Variants in PRTG observed in about 807,000 individuals in gnomAD.
The protein encoded by PRTG is immunoglobulin superfamily, DCC subclass, member 5.
In PRTG, 67 loss-of-function variants were observed where a neutral mutation model predicts 122.5. The observed-to-expected ratio is 0.55, with a 90% CI of 0.45 to 0.67. PRTG has a LOEUF of 0.67. Among genes scored for constraint, PRTG ranks in the 30% least tolerant of loss-of-function variants. PRTG has a pLI of 0.00. For missense variants in PRTG, 1,435 were observed against 1,415.4 expected (o/e 1.01, Z -0.22); for synonymous variants, 554 against 501.1 (o/e 1.11, Z -1.41).
chr15:55,640,990 C>A, intron 12 of PRTG, 123 bp downstream of exon 12: 1 of 704,300 alleles, frequency 1.4e-6, no homozygotes, highest in Non-Finnish European at 2.5e-6. Context: ...CGCTATACAG[C>A]ACAGAGGATA....
chr15:55,680,707 T>C, intron 4 of PRTG, 79 bp from the exon 5 acceptor site: 1 of 947,454 alleles, frequency 1.1e-6, no homozygotes, highest in Non-Finnish European at 1.4e-6. Context: ...ACATTTATTC[T>C]TATCACTCAC....
At chr15:55,626,507 G>C (rs1360650625) in intron 17 of PRTG, among the ~76,000 whole-genome samples, 1 of 151,952 alleles carries the variant, frequency 6.6e-6, no homozygotes, top group East Asian at 1.9e-4. Context: ...ACTTTGGGAG[G>C]ATGAGGCGGG....
chr15:55,742,683 C>T (rs1286970372), intron 1 of PRTG, 155 bp downstream of exon 1: 2 of 892,732 alleles, frequency 2.2e-6, no homozygotes, highest in Admixed American at 5.0e-5. Context: ...CGGTTCCGGA[C>T]AGGCCGCAGG....
At chr15:55,734,236 A>G (rs1221965546) in intron 2 of PRTG, among the ~76,000 whole-genome samples, 4 of 152,218 alleles carry the variant, frequency 2.6e-5, no homozygotes, top group African/African-American at 9.6e-5. Context: ...GGTAAATATT[A>G]GTAGAATGGA....
intron 4 of PRTG, among the ~76,000 whole-genome samples, chr15:55,681,123 C>T (rs530463073): frequency 6.6e-6 from 1 of 152,202 alleles, no homozygotes; most frequent in South Asian, 2.1e-4. Context: ...ATAGATAGAA[C>T]ACATTTTATT....
At chr15:55,689,047 T>C (rs2059586018) in intron 2 of PRTG, among the ~76,000 whole-genome samples, 2 of 152,190 alleles carry the variant, frequency 1.3e-5, no homozygotes. Context: ...CATTCCCTTC[T>C]GTTCCAGTCC....
chr15:55,685,872 CAATT>C (rs2059567752), intron 2 of PRTG, among the ~76,000 whole-genome samples: 1 of 152,118 alleles, frequency 6.6e-6, no homozygotes. Context: ...TGTTGCTGAT[CAATT>C]AATTAGTCCC....
chr15:55,639,704 G>A lies in PRTG; in HGVS notation c.2262C>T (p.Asn754=), dbSNP rs746936883. ...RPAFTAAQII[N]YTIRCNPVGL... ...CAACAGGATTACAGCGGATGGTGTA[G>A]TTAATGATTTGTGCAGCGGTGAATG... The change falls in exon 13 of 20, where the codon AAC becomes AAT. Residue 754 remains asparagine, a synonymous_variant. Coordinates refer to ENST00000389286, the MANE Select transcript of PRTG (RefSeq NM_173814.6). 1 of 1,614,160 alleles carries A rather than the reference G, an allele frequency of 6.2e-7. No individual in the cohort carries two copies. Among genetic ancestry groups the A allele is most frequent in the East Asian group, 2.2e-5 (1 of 44,880 alleles).
intron 2 of PRTG, among the ~76,000 whole-genome samples, chr15:55,734,760 C>T (rs568309487): frequency 6.6e-6 from 1 of 151,882 alleles, no homozygotes; most frequent in East Asian, 1.9e-4. Flanking sequence ...AAAAAAAACA[C>T]ACAAGGAATG....
At position 55,612,746 on chromosome 15, in the gene PRTG, A is replaced by G. The variant is rs944398492; in HGVS notation, c.*7266T>C. 1 of 120,772 alleles carries G rather than the reference A, an allele frequency of 8.3e-6. No homozygotes were observed. The highest frequency in any genetic ancestry group is 3.4e-5 in the African/African-American group (1 of 29,828). 7.5% of individuals were successfully genotyped at this position (120,772 alleles called of 1,614,324 possible). ...TATATATATATATATATATATATAT[A>G]TATGACTTAAATTGGAGTAAGATGA... On this transcript the variant is annotated 3_prime_UTR_variant, in exon 20 of 20. Coordinates refer to ENST00000389286, the MANE Select transcript of PRTG (RefSeq NM_173814.6).
At chr15:55,721,160 T>C (rs1443805636) in intron 2 of PRTG, among the ~76,000 whole-genome samples, 8 of 152,168 alleles carry the variant, frequency 5.3e-5, no homozygotes. Flanking sequence ...GTACTGCCAT[T>C]GTAAAATCGT....
At chr15:55,728,608 G>A (rs1328105416) in intron 2 of PRTG, among the ~76,000 whole-genome samples, 1 of 152,120 alleles carries the variant, frequency 6.6e-6, no homozygotes, top group Non-Finnish European at 1.5e-5. Context: ...TTCTCAACAT[G>A]ATAAAGGGCA....
At chr15:55,644,213 T>C (rs547262743) in intron 11 of PRTG, among the ~76,000 whole-genome samples, 1 of 152,280 alleles carries the variant, frequency 6.6e-6, no homozygotes, top group East Asian at 1.9e-4. Flanking sequence ...TATAAAGGTA[T>C]TGTGCCAGAA....
chr15:55,656,950 T>TA (rs1345326549), intron 11 of PRTG, among the ~76,000 whole-genome samples: 3 of 152,256 alleles, frequency 2.0e-5, no homozygotes, highest in African/African-American at 2.4e-5. Flanking sequence ...GTCAGACTTC[T>TA]AGTAAGATTT....
intron 2 of PRTG, among the ~76,000 whole-genome samples, chr15:55,685,693 T>C (rs2059566564): frequency 1.3e-5 from 2 of 152,226 alleles, no homozygotes; most frequent in South Asian, 2.1e-4. Context: ...GTTTTCATTC[T>C]AAAATGAATT....
At chr15:55,689,632 T>A (rs1478790828) in intron 2 of PRTG, among the ~76,000 whole-genome samples, 6 of 144,134 alleles carry the variant, frequency 4.2e-5, no homozygotes, top group African/African-American at 5.1e-5. Context: ...GAACTTAAAT[T>A]AAAAAAAAAA....
chr15:55,736,395 A>G (rs1327691577), intron 2 of PRTG, among the ~76,000 whole-genome samples: 1 of 151,062 alleles, frequency 6.6e-6, no homozygotes, highest in East Asian at 1.9e-4. Context: ...TTTTTTTAAC[A>G]TGACTCTTTA....
At chr15:55,645,232 G>A (rs1027626860) in intron 11 of PRTG, among the ~76,000 whole-genome samples, 3 of 150,618 alleles carry the variant, frequency 2.0e-5, no homozygotes, top group Non-Finnish European at 3.0e-5. Context: ...TCAGGAGATC[G>A]AGACCATCCT....
rs902888008 is a variant in PRTG at position 55,617,372 on chromosome 15, T to A, written c.*2640A>T. ...TGGTAAAGAAAGTATTACAACTTATTTTAAATGCTCTGGTAACAATAAGGT... is the reference window on the plus strand; with the variant it reads ...TGGTAAAGAAAGTATTACAACTTATATTAAATGCTCTGGTAACAATAAGGT... On this transcript the variant is annotated 3_prime_UTR_variant, in exon 20 of 20. Coordinates refer to ENST00000389286, the MANE Select transcript of PRTG (RefSeq NM_173814.6). 6.6e-6 allele frequency: 1 copy of A among 152,126 alleles called. No homozygotes were observed. Among genetic ancestry groups the A allele is most frequent in the Non-Finnish European group, 1.5e-5 (1 of 67,982 alleles). 9.4% of individuals were successfully genotyped at this position (152,126 alleles called of 1,614,324 possible). A position where few individuals can be genotyped will look rare whatever the true frequency, so the allele number is the denominator to read the frequency against.
Sources: gnomAD v4.1 joint callset for allele counts (sites outside exome capture counted in the v4.1 genomes callset) on GRCh38, gnomAD v4.1.1 for gene constraint, MANE v1.5 for transcripts, NCBI Gene and HGNC (gene_info 2026-07-23, HGNC 2026-07-21) for gene names.